NPC1L1: variants seen among roughly 807,000 people sequenced by gnomAD.
The protein encoded by NPC1L1 is NPC1-like intracellular cholesterol transporter 1.
Under a neutral mutation model 117.0 loss-of-function variants are expected in NPC1L1, and 98 were observed. That is an observed-to-expected ratio of 0.84 (90% CI 0.71 to 0.99). The LOEUF (loss-of-function observed/expected upper bound fraction) is 0.99. Among genes scored for constraint, NPC1L1 ranks in the 50% least tolerant of loss-of-function variants. The pLI is 0.00. For missense variants in NPC1L1, 1,540 were observed against 1,710.0 expected, an observed-to-expected ratio of 0.90 and a Z score of 1.75; for synonymous variants, 729 against 727.6, an observed-to-expected ratio of 1.00 and a Z score of -0.03.
Position 44,516,336 on chromosome 7 carries a change from G to C in NPC1L1, c.3520-139C>G, listed in dbSNP as rs944099054. 7.6e-6 allele frequency: 6 copies of C among 791,626 alleles called. No individual in the cohort carries two copies. In the South Asian group the frequency reaches 8.8e-5, roughly 12 times the overall value. 49.0% of individuals were successfully genotyped at this position (791,626 alleles called of 1,614,324 possible). On this transcript the variant is annotated intron_variant, in intron 16 of 18. Transcript: ENST00000381160. ...TGGGAGTATTTGGCCGGGTGCAGTG[G>C]CTCATGCCTATAATCCCAACACTTT...
rs770135270 is a variant in NPC1L1, at chr7:44,516,883, G to A, written c.3339C>T (p.Leu1113=). The A allele has an allele frequency of 4.3e-6, 7 of 1,614,164 alleles. No individual in the cohort carries two copies. The highest frequency in any genetic ancestry group is 5.9e-6 in the Non-Finnish European group (7 of 1,180,034). Residue 1113 remains leucine (L), a synonymous_variant, in exon 16 of 19, where the codon CTC becomes CTT. Transcript: ENST00000381160. Reference sequence around the variant, plus strand: ...GCACAAGGCAGAGGCTGAGCATGAAGAGCCCCTCAGGGAGGATGGTCAGGT... The same window carrying A: ...GCACAAGGCAGAGGCTGAGCATGAAAAGCCCCTCAGGGAGGATGGTCAGGT... The part of the protein sequence containing the change: ...EQYLTILPEG[L]FMLSLCLVPT...
Position 44,536,137 on chromosome 7 carries a change from G to A in NPC1L1, c.1854+119C>T. On this transcript the variant is annotated intron_variant, in intron 4 of 18. Transcript: ENST00000381160. The surrounding 1 kb of genome is among the most constrained non-coding windows in gnomAD (Gnocchi z 4.7). Reference sequence around the variant, plus strand: ...ACAGCCATCACAATCACCCCGTTCTGAGCAGGCAGCCACTGCCCAGGGTCA... The same window carrying A: ...ACAGCCATCACAATCACCCCGTTCTAAGCAGGCAGCCACTGCCCAGGGTCA... 4 of 1,549,900 alleles carry A rather than the reference G, an allele frequency of 2.6e-6. No individual in the cohort carries two copies. The South Asian group carries it at 3.4e-5, about 13-fold the overall frequency.
At chr7:44,535,060 C>G (rs1353868490) in intron 5 of NPC1L1, among the ~76,000 whole-genome samples, 2 of 151,626 alleles carry the variant, frequency 1.3e-5, no homozygotes, top group Non-Finnish European at 2.9e-5. Flanking sequence ...AAGCGAGACC[C>G]CATCTCTACA....
At chr7:44,521,252 G>T in intron 12 of NPC1L1, 134 bp from the exon 13 acceptor site, 2 of 1,213,270 alleles carry the variant, frequency 1.6e-6, no homozygotes, top group Non-Finnish European at 2.4e-6. Context: ...AGGGGGATTT[G>T]CATTTGTCAT....
intron 8 of NPC1L1, chr7:44,533,169 A>G (rs1801756108): frequency 5.1e-6 from 2 of 390,530 alleles, no homozygotes; most frequent in South Asian, 2.3e-5. Context: ...TAATCTCCAC[A>G]TTGTTCAAGG....
chr7:44,539,597 G>T lies in NPC1L1; in HGVS notation c.800C>A (p.Ala267Asp). 1 of 1,613,978 alleles carries T rather than the reference G, an allele frequency of 6.2e-7. No individual in the cohort carries two copies. Among genetic ancestry groups the T allele is most frequent in the Non-Finnish European group, 8.5e-7 (1 of 1,180,024 alleles). Reference sequence around the variant, plus strand: ...GGTGGAGTCGAGGGCCTGGGGGCGGGCTATGGCAGGACAGGATGCAGCACA... The same window carrying T: ...GGTGGAGTCGAGGGCCTGGGGGCGGTCTATGGCAGGACAGGATGCAGCACA... ...QDCAASCPAI[A>D]RPQALDSTFY... The change falls in exon 2 of 19, where the codon GCC (alanine) becomes GAC (aspartate). Residue 267 changes from alanine to aspartate, a missense_variant. Ala to Asp is a moderately radical substitution (Grantham distance 126). Coordinates refer to ENST00000381160, the MANE Select transcript of NPC1L1 (RefSeq NM_001101648.2). The surrounding 1 kb of genome is among the most constrained non-coding windows in gnomAD (Gnocchi z 4.4).
rs773632743 is a variant in NPC1L1, at chr7:44,535,949, A to T, written c.1874T>A (p.Ile625Asn). 6 of 1,613,090 alleles carry T rather than the reference A, an allele frequency of 3.7e-6. No homozygotes were observed. The highest frequency in any genetic ancestry group is 3.4e-6 in the Non-Finnish European group (4 of 1,180,014). The change falls in exon 5 of 19, where the codon ATC (isoleucine) becomes AAC (asparagine). Residue 625 changes from isoleucine (I) to asparagine (N), a missense_variant. Coordinates refer to ENST00000381160, the MANE Select transcript of NPC1L1 (RefSeq NM_001101648.2). ...FMAERSLEDE[I>N]NRTTAEDLPI... is the part of the protein sequence containing the mutation. ...CAGGTCTTCAGCTGTGGTGCGATTG[A>T]TCTCGTCTTCCAGAGAGCGCTGTGG...
Position 44,515,939 on chromosome 7 carries a change from G to A in NPC1L1, c.3660C>T (p.Asn1220=). 2 of 1,614,104 alleles carry A rather than the reference G, an allele frequency of 1.2e-6. No homozygotes were observed. The highest frequency in any genetic ancestry group is 1.3e-5 in the African/African-American group (1 of 75,030). Residue 1220 remains asparagine (N), a synonymous_variant, in exon 18 of 19, where the codon AAC becomes AAT. Transcript: ENST00000381160. ...GGCCCAGGACAAGGATGCCAGGCAG[G>A]TTGGTCATGGCCACACCTGCAAACA... ...SAVFAGVAMT[N]LPGILVLGLA...
chr7:44,536,821 C>A lies in NPC1L1; in HGVS notation c.1681+21G>T. ...AATACTGCATCTTCCTTGGCTTCCT[C>A]TCAGGGCCCACTTAGCTTACCTTTG... On this transcript the variant is annotated intron_variant, in intron 3 of 18. Transcript: ENST00000381160. The surrounding 1 kb of genome is among the most constrained non-coding windows in gnomAD (Gnocchi z 4.7). 6.2e-7 allele frequency: 1 copy of A among 1,600,172 alleles called. No homozygotes were observed. The highest frequency in any genetic ancestry group is 1.1e-5 in the South Asian group (1 of 90,800).
In NPC1L1 at chr7:44,540,002, T is replaced by C. The variant is rs114690445; in HGVS notation, c.395A>G (p.Asn132Ser). The C allele has an allele frequency of 2.7e-4, 433 of 1,614,158 alleles. 3 individuals are homozygous for C. In the African/African-American group the frequency reaches 5.1e-3, roughly 19 times the overall value. ...NLHCHNTCSP[N>S]QSLFINVTRV... ...GGTCACATTGATGAAGAGGCTCTGATTGGGGCTGCACGTGTTGTGGCAGTG... is the reference window on the plus strand; with the variant it reads ...GGTCACATTGATGAAGAGGCTCTGACTGGGGCTGCACGTGTTGTGGCAGTG... Residue 132 changes from asparagine to serine, a missense_variant, in exon 2 of 19, where the codon AAT becomes AGT. Asn to Ser is a conservative substitution (Grantham distance 46). Transcript: ENST00000381160.
rs1462562523 is a variant in NPC1L1 at position 44,516,142 on chromosome 7, C to T, written c.3575G>A (p.Ser1192Asn). 3 of 1,612,906 alleles carry T rather than the reference C, an allele frequency of 1.9e-6. No individual in the cohort carries two copies. Among genetic ancestry groups the T allele is most frequent in the Non-Finnish European group, 2.5e-6 (3 of 1,179,526 alleles). Reference sequence around the variant, plus strand: ...CCTCTCCAGCCAGGTGGGCTTGGTGCTGATGGCAAAGGAGCGGGTAATGTG... The same window carrying T: ...CCTCTCCAGCCAGGTGGGCTTGGTGTTGATGGCAAAGGAGCGGGTAATGTG... ...VSHITRSFAI[S>N]TKPTWLERAK... The change falls in exon 17 of 19, where the codon AGC becomes AAC. Residue 1192 changes from serine (S) to asparagine (N), a missense_variant. Around this residue, in one of 3 missense-constraint regions of NPC1L1, gnomAD observed 742 missense variants for 873.6 expected, o/e 0.85. Coordinates refer to ENST00000381160, the MANE Select transcript of NPC1L1 (RefSeq NM_001101648.2).
At chr7:44,529,110 A>AACAC (rs59108479) in intron 10 of NPC1L1, among the ~76,000 whole-genome samples, 50 of 123,030 alleles carry the variant, frequency 4.1e-4, no homozygotes, top group South Asian at 1.7e-3. Context: ...GAATGAATTA[A>AACAC]ACACACACAC....
chr7:44,536,337 C>A lies in NPC1L1; in HGVS notation c.1773G>T (p.Leu591=). Residue 591 remains leucine, a synonymous_variant, in exon 4 of 19, where the codon CTG becomes CTT. Coordinates refer to ENST00000381160, the MANE Select transcript of NPC1L1 (RefSeq NM_001101648.2). The surrounding 1 kb of genome is among the most constrained non-coding windows in gnomAD (Gnocchi z 4.7). ...AGDPRLAQAK[L]WEEAFLEEMR... ...TTTCCTCTAAGAAGGCCTCCTCCCA[C>A]AGCTTGGCCTGGGCCAGACGGGGGT... 1 of 1,614,240 alleles carries A rather than the reference C, an allele frequency of 6.2e-7. No individual in the cohort carries two copies. Among genetic ancestry groups the A allele is most frequent in the Non-Finnish European group, 8.5e-7 (1 of 1,180,038 alleles).
Position 44,536,062 on chromosome 7 carries a change from T to C in NPC1L1, c.1855-94A>G. On this transcript the variant is annotated intron_variant, in intron 4 of 18. Coordinates refer to ENST00000381160, the MANE Select transcript of NPC1L1 (RefSeq NM_001101648.2). The surrounding 1 kb of genome is among the most constrained non-coding windows in gnomAD (Gnocchi z 4.7). The stretch of plus-strand genomic sequence containing the variant: ...CGGTCACTGGGCACTAATTGTGTGT[T>C]GTGTCATAGGGCCTGATGGCCCCCT... The C allele has an allele frequency of 6.3e-7, 1 of 1,597,504 alleles. No individual in the cohort carries two copies. Among genetic ancestry groups the C allele is most frequent in the Non-Finnish European group, 8.6e-7 (1 of 1,168,282 alleles).
rs1204624612 is a variant in NPC1L1, at chr7:44,538,763, C to G, written c.1580+54G>C. 1.0e-5 allele frequency: 16 copies of G among 1,584,280 alleles called. No individual in the cohort carries two copies. The highest frequency in any genetic ancestry group is 1.3e-5 in the African/African-American group (1 of 74,348). On this transcript the variant is annotated intron_variant, in intron 2 of 18. Coordinates refer to ENST00000381160, the MANE Select transcript of NPC1L1 (RefSeq NM_001101648.2). The surrounding 1 kb of genome is among the most constrained non-coding windows in gnomAD (Gnocchi z 5.9). ...CGGCCAGGTTCCCAGGAGGCCATGG[C>G]AGCCCAGCCCCAGCCCCAGCCCACT... is the stretch of plus-strand genomic sequence containing the variant.
chr7:44,524,907 G>A (rs1231211020), intron 10 of NPC1L1, among the ~76,000 whole-genome samples: 2 of 152,032 alleles, frequency 1.3e-5, no homozygotes, highest in South Asian at 2.1e-4. Flanking sequence ...GAGCTAAAAA[G>A]TACAGTAACT....
In NPC1L1 at chr7:44,538,879, G is replaced by C; in HGVS notation, c.1518C>G (p.Asn506Lys). 6.2e-7 allele frequency: 1 copy of C among 1,614,224 alleles called. No homozygotes were observed. The highest frequency in any genetic ancestry group is 8.5e-7 in the Non-Finnish European group (1 of 1,180,030). Reference sequence around the variant, plus strand: ...GGGAGGTCTGCCCCATCAGTGTCTGGTTGGCTGTGAGCAGCAGGAGCGTGC... The same window carrying C: ...GGGAGGTCTGCCCCATCAGTGTCTGCTTGGCTGTGAGCAGCAGGAGCGTGC... ...NNRTLLLLTA[N>K]QTLMGQTSQV... Residue 506 changes from asparagine (N) to lysine (K), a missense_variant, in exon 2 of 19, where the codon AAC becomes AAG. Coordinates refer to ENST00000381160, the MANE Select transcript of NPC1L1 (RefSeq NM_001101648.2). The surrounding 1 kb of genome is among the most constrained non-coding windows in gnomAD (Gnocchi z 5.9).
At chr7:44,525,085 T>C (rs1801468995) in intron 10 of NPC1L1, among the ~76,000 whole-genome samples, 1 of 151,934 alleles carries the variant, frequency 6.6e-6, no homozygotes, top group Non-Finnish European at 1.5e-5. Flanking sequence ...CATCATCAAA[T>C]AGACCAAAAT....
chr7:44,519,693 T>C (rs1340511739), intron 14 of NPC1L1, among the ~76,000 whole-genome samples: 1 of 152,210 alleles, frequency 6.6e-6, no homozygotes, highest in Non-Finnish European at 1.5e-5. Flanking sequence ...CACGGAGCTA[T>C]GGCCAGCTCC....
Sources: allele counts gnomAD v4.1 joint callset (sites outside exome capture counted in the v4.1 genomes callset), GRCh38; gene constraint gnomAD v4.1.1; regional missense constraint gnomAD v4.1.1; non-coding constraint Gnocchi (gnomAD v3.1); transcripts MANE v1.5; gene names NCBI Gene and HGNC (gene_info 2026-07-23, HGNC 2026-07-21).